Variants in SETD5 observed in about 807,000 individuals in gnomAD.
The protein encoded by SETD5 is SET domain containing 5, also known as histone-lysine N-methyltransferase SETD5.
Under a neutral mutation model 153.3 loss-of-function variants are expected in SETD5, and 44 were observed. The ratio of observed to expected loss-of-function variants is 0.29; its 90% confidence interval spans 0.23 to 0.37. The LOEUF is 0.37. Ranked by LOEUF, SETD5 falls within the 10% of genes least tolerant of loss-of-function variation. The pLI, the probability that SETD5 is intolerant of heterozygous loss-of-function variation, is 1.00. For missense variants in SETD5, 1,544 were observed against 1,768.0 expected (o/e 0.87, Z 2.27); for synonymous variants, 716 against 645.2 (o/e 1.11, Z -1.66).
chr3:9,430,821 T>C (rs2039874851), intron 3 of SETD5: 1 of 985,224 alleles, frequency 1.0e-6, no homozygotes, highest in South Asian at 4.7e-5. Context: ...ATAAAAATAC[T>C]TCTGGTCTAC....
In SETD5 at chr3:9,464,478, G is replaced by A. The variant is rs1335811643; in HGVS notation, c.2530G>A (p.Val844Ile). The change falls in exon 18 of 23, where the codon GTC (valine) becomes ATC (isoleucine). Residue 844 changes from valine to isoleucine, a missense_variant. Transcript: ENST00000402198. ...WKSRYLMEQN[V>I]TKLLRPLSPV... ...GTCTCGCTATCTGATGGAGCAGAATGTCACCAAGTTACTTCGGCCTCTGTC... is the reference window on the plus strand; with the variant it reads ...GTCTCGCTATCTGATGGAGCAGAATATCACCAAGTTACTTCGGCCTCTGTC... 6.2e-7 allele frequency: 1 copy of A among 1,613,964 alleles called. No homozygotes were observed. The highest frequency in any genetic ancestry group is 8.5e-7 in the Non-Finnish European group (1 of 1,179,854).
rs546885301 is a variant in SETD5, at chr3:9,445,272, A to G, written c.1412A>G (p.Glu471Gly). ...NNDQQSQEVP[E>G]KVTVSSDHEE... ...GACCAGCAATCACAAGAAGTTCCAG[A>G]AAAAGTAACTGTATCCAGTGATCAT... is the stretch of plus-strand genomic sequence containing the variant. The change falls in exon 12 of 23, where the codon GAA (glutamate) becomes GGA (glycine). Residue 471 changes from glutamate to glycine, a missense_variant. Glu to Gly is a moderately conservative substitution (Grantham distance 98). Coordinates refer to ENST00000402198, the MANE Select transcript of SETD5 (RefSeq NM_001080517.3). The G allele has an allele frequency of 1.9e-6, 3 of 1,607,958 alleles. No individual in the cohort carries two copies. The South Asian group carries it at 3.3e-5, about 18-fold the overall frequency.
chr3:9,438,937 A>C (rs932079902), intron 7 of SETD5, among the ~76,000 whole-genome samples: 1 of 152,214 alleles, frequency 6.6e-6, no homozygotes. Context: ...CCACTACTCT[A>C]AACCCAACTG....
chr3:9,431,207 C>G (rs555444762), intron 3 of SETD5: 35 of 985,200 alleles, frequency 3.6e-5, no homozygotes, highest in Non-Finnish European at 4.1e-5. Context: ...ACAAGCAAAA[C>G]AAAGATTTTT....
In SETD5 at chr3:9,453,845, C is replaced by A; in HGVS notation, c.2453C>A (p.Ser818Tyr). 6.3e-7 allele frequency: 1 copy of A among 1,593,036 alleles called. No homozygotes were observed. The highest frequency in any genetic ancestry group is 1.1e-5 in the South Asian group (1 of 87,026). ...LYQSNENSSS[S>Y]SICKDNADLL... is the part of the protein sequence containing the mutation. Reference sequence around the variant, plus strand: ...CAAAGCAATGAGAATAGTAGCTCTTCTAGTATCTGCAAAGACAATGCAGGT... The same window carrying A: ...CAAAGCAATGAGAATAGTAGCTCTTATAGTATCTGCAAAGACAATGCAGGT... Residue 818 changes from serine to tyrosine, a missense_variant, in exon 17 of 23, where the codon TCT (serine) becomes TAT (tyrosine). Ser to Tyr is a moderately radical substitution (Grantham distance 144). Around this residue, in one of 9 missense-constraint regions of SETD5, gnomAD observed 782 missense variants for 787.2 expected, o/e 0.99. Coordinates refer to ENST00000402198, the MANE Select transcript of SETD5 (RefSeq NM_001080517.3).
intron 17 of SETD5, among the ~76,000 whole-genome samples, chr3:9,458,652 TTTG>T (rs2125422872): frequency 6.6e-6 from 1 of 152,298 alleles, no homozygotes; most frequent in African/African-American, 2.4e-5. Flanking sequence ...TAACCATGTT[TTTG>T]TGTCTATACT....
In SETD5 at chr3:9,428,862, G is replaced by A; in HGVS notation, c.-77G>A. 4.0e-6 allele frequency: 4 copies of A among 1,011,844 alleles called. No individual in the cohort carries two copies. The highest frequency in any genetic ancestry group is 2.1e-5 in the Admixed American group (1 of 48,050). 62.7% of individuals were successfully genotyped at this position (1,011,844 alleles called of 1,614,324 possible). A position where few individuals can be genotyped will look rare whatever the true frequency, so the allele number is the denominator to read the frequency against. On this transcript the variant is annotated 5_prime_UTR_variant, in exon 3 of 23. Coordinates refer to ENST00000402198, the MANE Select transcript of SETD5 (RefSeq NM_001080517.3). ...ATAACATGTTGGATGAGGCTCTGCA[G>A]CTCACCCCCACTCTCAGAGTGGTCA... is the stretch of plus-strand genomic sequence containing the variant.
intron 2 of SETD5, among the ~76,000 whole-genome samples, chr3:9,428,127 C>A (rs1027580562): frequency 2.0e-5 from 3 of 152,176 alleles, no homozygotes; most frequent in African/African-American, 7.2e-5. Context: ...TCCCATGCAC[C>A]CTCTGCACCC....
At chr3:9,426,887 C>T (rs1269480049) in intron 2 of SETD5, among the ~76,000 whole-genome samples, 1 of 151,992 alleles carries the variant, frequency 6.6e-6, no homozygotes, top group Non-Finnish European at 1.5e-5. Flanking sequence ...GGTGTAGGAA[C>T]AGGCGTATTG....
In SETD5 at chr3:9,448,025, CT is replaced by C; in HGVS notation, c.2103+22del. On this transcript the variant is annotated intron_variant, in intron 15 of 22. Coordinates refer to ENST00000402198, the MANE Select transcript of SETD5 (RefSeq NM_001080517.3). ...CAAAAAGGTAAGTCACAAATGCATC[CT>C]TTATAAGTCCAGTCTGGCAAGGGCT... 1.2e-6 allele frequency: 2 copies of C among 1,601,332 alleles called. No homozygotes were observed. The highest frequency in any genetic ancestry group is 1.7e-6 in the Non-Finnish European group (2 of 1,172,152).
At chr3:9,430,968 A>G (rs533631376) in intron 3 of SETD5, 17 of 985,334 alleles carry the variant, frequency 1.7e-5, no homozygotes, top group Admixed American at 6.1e-5. Context: ...GCAAAGGGAA[A>G]GAATGTCAGT....
intron 18 of SETD5, among the ~76,000 whole-genome samples, chr3:9,468,899 A>T (rs921299169): frequency 2.6e-5 from 4 of 152,092 alleles, no homozygotes; most frequent in African/African-American, 7.2e-5. Flanking sequence ...AGAAGTCAAG[A>T]TGCTGATATG....
At position 9,448,264 on chromosome 3, in the gene SETD5, G is replaced by A. The variant is rs754065567; in HGVS notation, c.2104-124G>A. The A allele has an allele frequency of 1.4e-5, 20 of 1,404,860 alleles. No individual in the cohort carries two copies. In the Admixed American group the frequency reaches 2.1e-4, roughly 15 times the overall value. The allele number at this position is 1,404,860 out of a possible 1,614,324, so 87.0% of individuals were successfully genotyped here. ...AGGAAGATATCCTTGTGTTCTAGTT[G>A]CTCAATTCATTCTTACTGCAGCTGC... is the stretch of plus-strand genomic sequence containing the variant. On this transcript the variant is annotated intron_variant, in intron 15 of 22. Coordinates refer to ENST00000402198, the MANE Select transcript of SETD5 (RefSeq NM_001080517.3).
chr3:9,425,819 T>G (rs1196304521), intron 2 of SETD5, among the ~76,000 whole-genome samples: 1 of 152,180 alleles, frequency 6.6e-6, no homozygotes, highest in Non-Finnish European at 1.5e-5. Context: ...TCGTAATGGC[T>G]ACAACAAAGG....
intron 6 of SETD5, among the ~76,000 whole-genome samples, chr3:9,435,263 A>C (rs887207247): frequency 1.3e-4 from 19 of 151,532 alleles, no homozygotes; most frequent in African/African-American, 3.6e-4. Context: ...AAAAAAAAAA[A>C]AAGAACCCCT....
intron 17 of SETD5, among the ~76,000 whole-genome samples, chr3:9,457,948 TAATG>T (rs1399381811): frequency 6.6e-6 from 1 of 152,014 alleles, no homozygotes; most frequent in African/African-American, 2.4e-5. Flanking sequence ...GAAAAAATAA[TAATG>T]AAGTACTTTC....
chr3:9,443,519 T>C (rs945196505), intron 11 of SETD5, 102 bp downstream of exon 11: 1 of 628,118 alleles, frequency 1.6e-6, no homozygotes. Context: ...TTTTCCTTTG[T>C]TTACTTAATC....
At chr3:9,411,521 G>A (rs747735711) in intron 1 of SETD5, among the ~76,000 whole-genome samples, 3 of 152,150 alleles carry the variant, frequency 2.0e-5, no homozygotes, top group African/African-American at 2.4e-5. Flanking sequence ...TGAAGAAATA[G>A]TGATTAAGAA....
intron 2 of SETD5, among the ~76,000 whole-genome samples, chr3:9,425,850 C>T (rs577108716): frequency 1.3e-5 from 2 of 152,174 alleles, no homozygotes; most frequent in Admixed American, 6.5e-5. Context: ...ATATTAAGTA[C>T]GGTTTTTGGT....
Sources: allele counts gnomAD v4.1 joint callset (sites outside exome capture counted in the v4.1 genomes callset), GRCh38; gene constraint gnomAD v4.1.1; regional missense constraint gnomAD v4.1.1; transcripts MANE v1.5; gene names NCBI Gene and HGNC (gene_info 2026-07-23, HGNC 2026-07-21).